The following NEB variants were observed in gnomAD, a reference collection of about 807,000 sequenced individuals.
The protein encoded by NEB is nebulin, also known as nemaline myopathy type 2.
Under a neutral mutation model 952.2 loss-of-function variants are expected in NEB, and 512 were observed. The ratio of observed to expected loss-of-function variants is 0.54; its 90% CI spans 0.50 to 0.58. The LOEUF (loss-of-function observed/expected upper bound fraction) is 0.58. Among genes scored for constraint, NEB ranks in the 20% least tolerant of loss-of-function variants. The pLI is 0.00. For missense variants in NEB, 8,428 were observed against 9,231.1 expected, an observed-to-expected ratio of 0.91 and a Z score of 3.56; for synonymous variants, 2,900 against 3,149.8, an observed-to-expected ratio of 0.92 and a Z score of 2.66.
chr2:151,511,489 T>A (rs1473981285), intron 161 of NEB, among the ~76,000 whole-genome samples: 2 of 152,186 alleles, frequency 1.3e-5, no homozygotes. Flanking sequence ...AAAAATAGAT[T>A]TCCAGAGCCT....
rs188280277 is a variant in NEB, at chr2:151,541,474, G to T, written c.20655C>A (p.Ala6885=). ...SVPDTPDLLR[A]KRGQKLQSQY... is the part of the protein sequence containing the mutation. ...GACTCTGAAGCTTCTGCCCTCGCTTGGCTCTTAAAAGATCAGGAGTATCAG... is the reference window on the plus strand; with the variant it reads ...GACTCTGAAGCTTCTGCCCTCGCTTTGCTCTTAAAAGATCAGGAGTATCAG... The change falls in exon 136 of 182, where the codon GCC becomes GCA. Residue 6885 remains alanine, a synonymous_variant. Transcript: ENST00000397345. 3 of 1,612,912 alleles carry T rather than the reference G, an allele frequency of 1.9e-6. No homozygotes were observed. Among genetic ancestry groups the T allele is most frequent in the East Asian group, 4.5e-5 (2 of 44,826 alleles).
At chr2:151,660,452 A>T (rs964900375) in intron 46 of NEB, among the ~76,000 whole-genome samples, 1 of 152,224 alleles carries the variant, frequency 6.6e-6, no homozygotes, top group African/African-American at 2.4e-5. Flanking sequence ...GAACATTAAC[A>T]AATGGCCCAT....
At chr2:151,527,366 G>A (rs1039020534) in intron 147 of NEB, 115 bp downstream of exon 147, 17 of 885,246 alleles carry the variant, frequency 1.9e-5, no homozygotes, top group African/African-American at 3.4e-5. Context: ...TCTCCTTCTC[G>A]GATCTCAAAC....
At chr2:151,505,916 G>C in intron 164 of NEB, 1 of 561,754 alleles carries the variant, frequency 1.8e-6, no homozygotes, top group Non-Finnish European at 3.2e-6. Context: ...TTGGTTCTTT[G>C]ACTGTACCGG....
intron 67 of NEB, among the ~76,000 whole-genome samples, chr2:151,630,022 T>C (rs2098630842): frequency 6.6e-6 from 1 of 152,050 alleles, no homozygotes; most frequent in Admixed American, 6.6e-5. Context: ...TAGAACAATG[T>C]TTAATATCTA....
intron 9 of NEB, among the ~76,000 whole-genome samples, chr2:151,720,590 A>G (rs1403205171): frequency 2.0e-5 from 3 of 152,178 alleles, no homozygotes; most frequent in Non-Finnish European, 2.9e-5. Context: ...TTCATTGTTC[A>G]AAGTCCATAG....
At chr2:151,686,031 A>G (rs2099495671) in intron 27 of NEB, among the ~76,000 whole-genome samples, 1 of 152,276 alleles carries the variant, frequency 6.6e-6, no homozygotes, top group Non-Finnish European at 1.5e-5. Flanking sequence ...GTTTATAAAA[A>G]TAAAGTATGC....
rs2092300033 is a variant in NEB, at chr2:151,533,463, G to A, written c.21396C>T (p.Tyr7132=). Residue 7132 remains tyrosine, a synonymous_variant, in exon 143 of 182, where the codon TAC becomes TAT. Coordinates refer to ENST00000397345, the MANE Select transcript of NEB (RefSeq NM_001164508.2). ...TTACCTGGCTCCACATATGCGAATT[G>A]TAGAGAGCAGTCAACATATCTGGAC... ...ILRPDMLTAL[Y]NSHMWSQIKY... 6.4e-7 allele frequency: 1 copy of A among 1,551,076 alleles called. No homozygotes were observed. Among genetic ancestry groups the A allele is most frequent in the Admixed American group, 2.0e-5 (1 of 50,988 alleles).
intron 63 of NEB, among the ~76,000 whole-genome samples, chr2:151,638,786 C>G (rs1225641723): frequency 1.4e-5 from 2 of 138,964 alleles, no homozygotes; most frequent in Non-Finnish European, 3.1e-5. Flanking sequence ...AATATTTACA[C>G]TGACAGATAT....
chr2:151,493,580 G>A (rs964993668), intron 175 of NEB, 135 bp from the exon 176 acceptor site: 10 of 741,560 alleles, frequency 1.3e-5, no homozygotes, highest in Non-Finnish European at 1.9e-5. Flanking sequence ...AAATGTTACG[G>A]TAGGAAGCAA....
chr2:151,695,061 A>T (rs144676860), intron 18 of NEB, among the ~76,000 whole-genome samples: 17 of 152,308 alleles, frequency 1.1e-4, no homozygotes, highest in Admixed American at 2.0e-4. Flanking sequence ...GAATTATTGA[A>T]GAAATTGAGA....
chr2:151,504,184 C>T (rs2067005480), intron 165 of NEB, among the ~76,000 whole-genome samples: 1 of 152,090 alleles, frequency 6.6e-6, no homozygotes, highest in African/African-American at 2.4e-5. Flanking sequence ...GATGGATTCC[C>T]TGGTGTATTA....
intron 63 of NEB, 64 bp from the exon 64 acceptor site, chr2:151,636,398 G>C (rs2098763791): frequency 7.9e-7 from 1 of 1,262,872 alleles, no homozygotes; most frequent in Non-Finnish European, 1.1e-6. Context: ...AGAGGACTAA[G>C]ACAATTCACT....
chr2:151,629,505 C>T (rs762362261), intron 68 of NEB, 34 bp downstream of exon 68: 6 of 1,521,468 alleles, frequency 3.9e-6, no homozygotes, highest in Non-Finnish European at 4.6e-6. Context: ...CCACTTCATC[C>T]ATCCATGTAA....
intron 142 of NEB, among the ~76,000 whole-genome samples, chr2:151,534,062 G>C (rs2092521340): frequency 1.3e-5 from 2 of 152,114 alleles, no homozygotes; most frequent in African/African-American, 4.8e-5. Flanking sequence ...AATAGCTGAC[G>C]GGCTTTTTGG....
chr2:151,617,254 T>C (rs1168542706), intron 75 of NEB, 110 bp downstream of exon 75: 1 of 631,830 alleles, frequency 1.6e-6, no homozygotes, highest in South Asian at 2.8e-5. Context: ...CTACTGAAAA[T>C]GGTAGTTTGT....
Position 151,570,497 on chromosome 2 carries a change from G to A in NEB, c.17118C>T (p.Asp5706=), listed in dbSNP as rs769476760. 4.1e-5 allele frequency: 66 copies of A among 1,604,968 alleles called. No homozygotes were observed. Among genetic ancestry groups the A allele is most frequent in the African/African-American group, 6.7e-5 (5 of 74,338 alleles). The change falls in exon 108 of 182, where the codon GAC becomes GAT. Residue 5706 remains aspartate (D), a splice_region_variant and synonymous_variant. Transcript: ENST00000397345. ...TGAGAAGTTAAAAAAGGCCACTCAC[G>A]TCACTGGCAATCTCCCTGGAGGCCT... ...AAKASREIAS[D]YKYKLDHEKQ...
In NEB at chr2:151,565,946, A is replaced by G. The variant is rs1269071970; in HGVS notation, c.18157-126T>C. On this transcript the variant is annotated intron_variant, in intron 114 of 181. Coordinates refer to ENST00000397345, the MANE Select transcript of NEB (RefSeq NM_001164508.2). The stretch of plus-strand genomic sequence containing the variant: ...CTCTAGTAGTTTTCTCATTCATTCA[A>G]TTGTGATTTCACCTGAGCAATATTT... The G allele has an allele frequency of 7.8e-6, 5 of 637,812 alleles. No individual in the cohort carries two copies. In the East Asian group the frequency reaches 8.2e-5, roughly 10 times the overall value. The allele number at this position is 637,812 out of a possible 1,614,324, so 39.5% of individuals were successfully genotyped here.
At position 151,610,802 on chromosome 2, in the gene NEB, T is replaced by C. The variant is rs766565558; in HGVS notation, c.11870A>G (p.Asp3957Gly). 6.2e-7 allele frequency: 1 copy of C among 1,607,922 alleles called. No individual in the cohort carries two copies. Among genetic ancestry groups the C allele is most frequent in the Non-Finnish European group, 8.5e-7 (1 of 1,176,794 alleles). ...TSIHVMPDTP[D>G]ILLAKSNSAN... is the part of the protein sequence containing the mutation. ...AGAATTACTCTTGGCCAGCAGGATA[T>C]CTGGGGTGTCTGGCATCACGTGGAT... The change falls in exon 79 of 182, where the codon GAT becomes GGT. Residue 3957 changes from aspartate (D) to glycine (G), a missense_variant. By Grantham distance (94) the Asp-to-Gly change is moderately conservative. Coordinates refer to ENST00000397345, the MANE Select transcript of NEB (RefSeq NM_001164508.2).
Sources: gnomAD v4.1 joint callset for allele counts (sites outside exome capture counted in the v4.1 genomes callset) on GRCh38, gnomAD v4.1.1 for gene constraint, MANE v1.5 for transcripts, NCBI Gene and HGNC (gene_info 2026-07-23, HGNC 2026-07-21) for gene names.